Variants in RERE observed in about 807,000 individuals in gnomAD.
RERE encodes the protein arginine-glutamic acid dipeptide repeats, also known as arginine-glutamic acid dipeptide repeats protein.
A neutral mutation model predicts 146.1 loss-of-function variants in RERE; 40 were observed. That is an observed-to-expected ratio of 0.27 (90% confidence interval 0.21 to 0.36). The LOEUF is 0.36. Ranked by LOEUF, RERE falls within the 10% of genes least tolerant of loss-of-function variation. RERE has a pLI of 1.00. For missense variants in RERE, 1,933 were observed against 2,138.7 expected (o/e 0.90, Z 1.90); for synonymous variants, 1,003 against 866.0 (o/e 1.16, Z -2.78).
chr1:8,566,735 T>C (rs1335518499), intron 4 of RERE, among the ~76,000 whole-genome samples: 1 of 152,128 alleles, frequency 6.6e-6, no homozygotes, highest in Non-Finnish European at 1.5e-5. Flanking sequence ...CTGGAACTAC[T>C]GGTACATCCA....
rs547426046 is a variant in RERE at position 8,360,129 on chromosome 1, G to C, written c.3378C>G (p.His1126Gln). The C allele has an allele frequency of 6.3e-7, 1 of 1,581,706 alleles. No homozygotes were observed. Among genetic ancestry groups the C allele is most frequent in the South Asian group, 1.2e-5 (1 of 86,662 alleles). Residue 1126 changes from histidine (H) to glutamine (Q), a missense_variant, in exon 18 of 23, where the codon CAC becomes CAG. This residue lies in a region of RERE where 1,255 missense variants were observed against 1,153.8 expected (regional missense o/e 1.09). Transcript: ENST00000400908. ...AAGCGTACCTAGCTGACTGGCTGGCGTGACTGGGGGTGTCCACCACAGTGG... is the reference window on the plus strand; with the variant it reads ...AAGCGTACCTAGCTGACTGGCTGGCCTGACTGGGGGTGTCCACCACAGTGG... ...PEPTVVDTPS[H>Q]ASQSARFYKH...
chr1:8,525,786 AC>A (rs1645563055), intron 7 of RERE: 3 of 1,599,190 alleles, frequency 1.9e-6, no homozygotes, highest in Non-Finnish European at 2.6e-6. Context: ...ATCATCCATG[AC>A]TAACACGGGC....
At chr1:8,385,806 CAA>C (rs1248951516) in intron 12 of RERE, among the ~76,000 whole-genome samples, 1 of 133,032 alleles carries the variant, frequency 7.5e-6, no homozygotes, top group Admixed American at 7.6e-5. Flanking sequence ...ACTAAAAATA[CAA>C]AAAAAAAAAA....
At chr1:8,459,683 C>T (rs111803733) in intron 11 of RERE, among the ~76,000 whole-genome samples, 4,957 of 152,186 alleles carry the variant, frequency 0.033, 113 homozygotes, top group Non-Finnish European at 0.052. Context: ...AGCAAGAAGC[C>T]AGCAAATGAG....
chr1:8,737,803 T>C (rs1640231333), intron 1 of RERE, among the ~76,000 whole-genome samples: 1 of 152,138 alleles, frequency 6.6e-6, no homozygotes, highest in African/African-American at 2.4e-5. Context: ...ACATTTCAAC[T>C]TTCCCCTCTT....
chr1:8,722,844 A>G (rs1373594163), intron 1 of RERE, among the ~76,000 whole-genome samples: 3 of 152,162 alleles, frequency 2.0e-5, no homozygotes, highest in Admixed American at 6.5e-5. Context: ...ATGTGTGTGG[A>G]TTTTGGTACC....
chr1:8,683,719 G>T (rs1441968867), intron 1 of RERE, among the ~76,000 whole-genome samples: 2 of 152,190 alleles, frequency 1.3e-5, no homozygotes, highest in Non-Finnish European at 2.9e-5. Flanking sequence ...AAGGCGGGCG[G>T]ATCACCTGAG....
intron 12 of RERE, among the ~76,000 whole-genome samples, chr1:8,419,349 G>C (rs770753758): frequency 6.6e-6 from 1 of 152,130 alleles, no homozygotes; most frequent in Non-Finnish European, 1.5e-5. Context: ...TTTAGCTCTT[G>C]TGCAATAAAC....
At chr1:8,544,699 C>G (rs943651820) in intron 6 of RERE, among the ~76,000 whole-genome samples, 2 of 152,132 alleles carry the variant, frequency 1.3e-5, no homozygotes, top group African/African-American at 4.8e-5. Flanking sequence ...TAGGGTCAAA[C>G]ACATTTCTGA....
At chr1:8,500,160 C>T (rs1645110692) in intron 8 of RERE, among the ~76,000 whole-genome samples, 1 of 152,112 alleles carries the variant, frequency 6.6e-6, no homozygotes, top group Admixed American at 6.5e-5. Flanking sequence ...AACAATAACA[C>T]AACAAATGTT....
intron 1 of RERE, among the ~76,000 whole-genome samples, chr1:8,795,393 G>A (rs1641449445): frequency 6.6e-6 from 1 of 151,810 alleles, no homozygotes; most frequent in Non-Finnish European, 1.5e-5. Context: ...AAATTCCTGG[G>A]CCAAAGCAAT....
chr1:8,422,863 G>A, intron 11 of RERE, 56 bp from the exon 12 acceptor site: 1 of 1,247,006 alleles, frequency 8.0e-7, no homozygotes, highest in Non-Finnish European at 1.2e-6. Context: ...CAGGATGTCA[G>A]CAAAGCAAAG....
At chr1:8,468,583 G>A (rs974988800) in intron 10 of RERE, among the ~76,000 whole-genome samples, 12 of 152,100 alleles carry the variant, frequency 7.9e-5, no homozygotes, top group Admixed American at 1.3e-4. Context: ...ATACTGTATG[G>A]GGTAATTATA....
chr1:8,648,263 A>C (rs1199791970), intron 2 of RERE, among the ~76,000 whole-genome samples: 1 of 152,100 alleles, frequency 6.6e-6, no homozygotes, highest in Non-Finnish European at 1.5e-5. Context: ...ATGGGGTCTC[A>C]CTCTGTAACC....
chr1:8,428,707 C>T (rs564680102), intron 11 of RERE: 4 of 152,246 alleles, frequency 2.6e-5, no homozygotes, highest in Admixed American at 6.5e-5. Context: ...GCCATGTGAT[C>T]TAGTCTGCTC....
intron 6 of RERE, among the ~76,000 whole-genome samples, chr1:8,550,837 C>T (rs983976036): frequency 2.6e-5 from 4 of 152,232 alleles, no homozygotes; most frequent in South Asian, 4.1e-4. Context: ...CGTGAGCCAC[C>T]GTGCCCGGCC....
intron 4 of RERE, among the ~76,000 whole-genome samples, chr1:8,578,945 T>A (rs1486128923): frequency 6.6e-6 from 1 of 152,246 alleles, no homozygotes; most frequent in Non-Finnish European, 1.5e-5. Flanking sequence ...TAAGGAGCCC[T>A]TGTTTAGGCA....
chr1:8,536,537 T>C (rs1191953241), intron 7 of RERE, among the ~76,000 whole-genome samples: 1 of 152,246 alleles, frequency 6.6e-6, no homozygotes, highest in Admixed American at 6.5e-5. Context: ...GCTGGTGTTT[T>C]AGCCAAATGC....
At chr1:8,612,814 T>C (rs1414088291) in intron 4 of RERE, among the ~76,000 whole-genome samples, 2 of 152,308 alleles carry the variant, frequency 1.3e-5, no homozygotes, top group Admixed American at 1.3e-4. Context: ...AAGTAGGTAG[T>C]CACATTGGGA....
Sources: allele counts gnomAD v4.1 joint callset (sites outside exome capture counted in the v4.1 genomes callset), GRCh38; gene constraint gnomAD v4.1.1; regional missense constraint gnomAD v4.1.1; transcripts MANE v1.5; gene names NCBI Gene and HGNC (gene_info 2026-07-23, HGNC 2026-07-21).